The following EHBP1 variants were observed in gnomAD, a reference collection of about 807,000 sequenced individuals.
EHBP1 encodes EH domain binding protein 1, also known as EH domain-binding protein 1.
A neutral mutation model predicts 144.0 loss-of-function variants in EHBP1; 55 were observed. The ratio of observed to expected loss-of-function variants is 0.38; its 90% CI spans 0.31 to 0.48. EHBP1 has a LOEUF of 0.48. Among genes scored for constraint, EHBP1 ranks in the 20% least tolerant of loss-of-function variants. The pLI, the probability that EHBP1 is intolerant of heterozygous loss-of-function variation, is 0.98. For synonymous variants in EHBP1, 469 were observed against 472.7 expected (o/e 0.99, Z 0.10); for missense variants, 1,200 against 1,364.2 (o/e 0.88, Z 1.90).
At chr2:62,942,515 G>T (rs954964342) in intron 10 of EHBP1, among the ~76,000 whole-genome samples, 2 of 152,176 alleles carry the variant, frequency 1.3e-5, no homozygotes, top group African/African-American at 2.4e-5. Context: ...CTGCATCCTT[G>T]TCAGGCAAAT....
intron 14 of EHBP1, among the ~76,000 whole-genome samples, chr2:62,973,204 A>G (rs1173759525): frequency 6.6e-6 from 1 of 152,162 alleles, no homozygotes; most frequent in Non-Finnish European, 1.5e-5. Context: ...AACTAGAATC[A>G]TTTATTTCAT....
upstream of EHBP1, among the ~76,000 whole-genome samples, chr2:62,703,769 A>G (rs1295473197): frequency 2.6e-5 from 4 of 152,160 alleles, no homozygotes; most frequent in African/African-American, 9.7e-5. Context: ...TTTTTTTAAG[A>G]CACCATTTAA....
intron 10 of EHBP1, among the ~76,000 whole-genome samples, chr2:62,920,442 A>G (rs146308793): frequency 2.0e-5 from 3 of 152,220 alleles, no homozygotes; most frequent in Non-Finnish European, 4.4e-5. Flanking sequence ...AAGGGAATGT[A>G]TTACAACTAG....
intron 10 of EHBP1, among the ~76,000 whole-genome samples, chr2:62,899,256 G>A (rs187692358): frequency 1.6e-4 from 25 of 152,258 alleles, no homozygotes; most frequent in African/African-American, 5.5e-4. Flanking sequence ...AAGGCCATGG[G>A]GGACTGAGCC....
chr2:62,806,372 T>G (rs532356830), intron 5 of EHBP1, among the ~76,000 whole-genome samples: 5 of 151,050 alleles, frequency 3.3e-5, no homozygotes, highest in Admixed American at 1.3e-4. Flanking sequence ...GTTTGGTTTG[T>G]TTTTTTTTGT....
intron 1 of EHBP1, among the ~76,000 whole-genome samples, chr2:62,676,724 G>A (rs1189607323): frequency 6.6e-6 from 1 of 151,558 alleles, no homozygotes; most frequent in African/African-American, 2.4e-5. Context: ...TTTTTTTAAA[G>A]GGCCTTCGCC....
intron 21 of EHBP1, among the ~76,000 whole-genome samples, chr2:63,039,418 TA>T (rs1159035597): frequency 2.0e-5 from 3 of 152,176 alleles, no homozygotes. Flanking sequence ...GCATTTACTA[TA>T]TATGATTTTT....
chr2:62,955,723 T>C, intron 14 of EHBP1, 63 bp downstream of exon 14: 30 of 1,515,408 alleles, frequency 2.0e-5, no homozygotes, highest in Non-Finnish European at 2.6e-5. Context: ...AGGAGGGAAG[T>C]AATTTGCTTG....
At chr2:62,683,488 C>G (rs972645853) in intron 1 of EHBP1, among the ~76,000 whole-genome samples, 1 of 151,680 alleles carries the variant, frequency 6.6e-6, no homozygotes, top group African/African-American at 2.4e-5. Context: ...TGAAACCCCA[C>G]CTGTACTGAA....
intron 7 of EHBP1, among the ~76,000 whole-genome samples, chr2:62,850,375 C>T (rs1341578058): frequency 2.0e-5 from 3 of 152,092 alleles, no homozygotes; most frequent in African/African-American, 7.2e-5. Context: ...TGCTGCCATC[C>T]CCATCCCCAC....
rs570780592 is a variant in EHBP1 at position 63,027,369 on chromosome 2, A to G, written c.3104-10166A>G. Among the ~76,000 whole-genome samples the G allele has an allele frequency of 2.6e-5, 4 of 152,336 alleles. No individual in the cohort carries two copies. The South Asian group carries it at 8.3e-4, about 32-fold the overall frequency. Reference sequence around the variant, plus strand: ...TCATGAGTGTACTCTAGTGAAGATAATGTGTACTCAAGTGAAGAGAATGGT... The same window carrying G: ...TCATGAGTGTACTCTAGTGAAGATAGTGTGTACTCAAGTGAAGAGAATGGT... On this transcript the variant is annotated intron_variant, in intron 19 of 22. Transcript: ENST00000431489.
intron 5 of EHBP1, among the ~76,000 whole-genome samples, chr2:62,813,119 G>T (rs2045154917): frequency 6.6e-6 from 1 of 152,182 alleles, no homozygotes; most frequent in Non-Finnish European, 1.5e-5. Context: ...GGCGTGGGGT[G>T]GCCTTAACAG....
rs958370788 is a variant in EHBP1 at position 62,685,580 on chromosome 2, A to G, written c.-296+11497A>G. Reference sequence around the variant, plus strand: ...TGCCGACCTCATCTTAACAAATTACATCTGCAACAACCCTATTTTCAAATA... The same window carrying G: ...TGCCGACCTCATCTTAACAAATTACGTCTGCAACAACCCTATTTTCAAATA... On this transcript the variant is annotated intron_variant, in intron 1 of 22. Coordinates refer to the EHBP1 transcript ENST00000405015. Among the ~76,000 whole-genome samples the G allele has an allele frequency of 4.6e-5, 7 of 152,268 alleles. No homozygotes were observed. In the East Asian group the frequency reaches 1.4e-3, roughly 29 times the overall value.
At chr2:62,756,768 C>CAAAAAAAAAAAAAAAAAAAAAAAAAAA (rs34717027) in intron 3 of EHBP1, among the ~76,000 whole-genome samples, 1 of 76,662 alleles carries the variant, frequency 1.3e-5, no homozygotes, top group Non-Finnish European at 2.6e-5. Flanking sequence ...AACTCTATCT[C>CAAAAAAAAAAAAAAAAAAAAAAAAAAA]AAAAAAAAAA....
intron 3 of EHBP1, among the ~76,000 whole-genome samples, chr2:62,748,042 T>TA (rs1188587974): frequency 6.6e-6 from 1 of 152,084 alleles, no homozygotes; most frequent in African/African-American, 2.4e-5. Flanking sequence ...GGCATGTTGT[T>TA]ACACCAACAC....
chr2:62,934,071 A>G (rs2056201961), intron 10 of EHBP1, among the ~76,000 whole-genome samples: 2 of 152,322 alleles, frequency 1.3e-5, no homozygotes, highest in South Asian at 2.1e-4. Context: ...CTATATAAGC[A>G]TGCATTTCTA....
intron 2 of EHBP1, among the ~76,000 whole-genome samples, chr2:62,738,538 A>G (rs1243637430): frequency 1.3e-5 from 2 of 152,188 alleles, no homozygotes; most frequent in Non-Finnish European, 2.9e-5. Flanking sequence ...CCTGGAGGCC[A>G]CAAGTGTCCT....
intron 17 of EHBP1, 78 bp downstream of exon 17, chr2:62,993,746 GTATA>G (rs1287447003): frequency 1.5e-6 from 1 of 648,730 alleles, no homozygotes. Context: ...TATATATATA[GTATA>G]TATATATAGC....
intron 15 of EHBP1, among the ~76,000 whole-genome samples, chr2:62,980,895 G>A (rs1387849742): frequency 9.7e-5 from 13 of 134,330 alleles, no homozygotes; most frequent in African/African-American, 3.6e-4. Flanking sequence ...ACCAACTCAC[G>A]CCCACTAAAA....
Sources: gnomAD v4.1 joint callset for allele counts (sites outside exome capture counted in the v4.1 genomes callset) on GRCh38, gnomAD v4.1.1 for gene constraint, MANE v1.5 for transcripts, NCBI Gene and HGNC (gene_info 2026-07-23, HGNC 2026-07-21) for gene names.